The following LRP8 variants were observed in gnomAD, a reference collection of about 807,000 sequenced individuals.
LRP8 encodes LDL receptor related protein 8.
In LRP8, 46 loss-of-function variants were observed where a neutral mutation model predicts 111.6. The observed-to-expected ratio is 0.41, with a 90% CI of 0.33 to 0.53. The LOEUF (loss-of-function observed/expected upper bound fraction) is 0.53, where lower values mean the gene tolerates loss of function less well. Ranked by LOEUF, LRP8 falls within the 20% of genes least tolerant of loss-of-function variation. The pLI is 0.20. For synonymous variants in LRP8, 464 were observed against 511.2 expected, an observed-to-expected ratio of 0.91 and a Z score of 1.24; for missense variants, 959 against 1,297.4, an observed-to-expected ratio of 0.74 and a Z score of 4.01.
In LRP8 at chr1:53,249,246, T is replaced by G; in HGVS notation, c.2853+134A>C. ...TCATTGGTCTGTGACTAACCCATTT[T>G]TCTTCTTTGCCCCAACACCCAGCTT... is the stretch of plus-strand genomic sequence containing the variant. On this transcript the variant is annotated intron_variant, in intron 18 of 18. Transcript: ENST00000306052. The surrounding 1 kb of genome is among the most constrained non-coding windows in gnomAD (Gnocchi z 4.1). 10 of 917,882 alleles carry G rather than the reference T, an allele frequency of 1.1e-5. No homozygotes were observed. The South Asian group carries it at 1.7e-4, about 16-fold the overall frequency. The allele number at this position is 917,882 out of a possible 1,614,324, so 56.9% of individuals were successfully genotyped here.
At chr1:53,286,396 C>G (rs1193232364) in intron 3 of LRP8, among the ~76,000 whole-genome samples, 1 of 152,176 alleles carries the variant, frequency 6.6e-6, no homozygotes, top group Non-Finnish European at 1.5e-5. Context: ...AGGCCCCCCT[C>G]CCAGGTGGAA....
At chr1:53,326,347 C>A (rs750360204) in intron 2 of LRP8, among the ~76,000 whole-genome samples, 49 of 152,356 alleles carry the variant, frequency 3.2e-4, no homozygotes, top group Non-Finnish European at 5.6e-4. Context: ...CATCCGTCTG[C>A]TCCGCGATTG....
rs1308259825 is a variant in LRP8, at chr1:53,317,362, GGCA to G, written c.244+9508_244+9510del. 6.6e-6 allele frequency among the ~76,000 whole-genome samples: 1 copy of G among 152,192 alleles called. No homozygotes were observed. The highest frequency in any genetic ancestry group is 1.5e-5 in the Non-Finnish European group (1 of 68,030). The stretch of plus-strand genomic sequence containing the variant: ...AAGGCCCCACGTGGCTAACTACCGT[GGCA>G]GGCCCGGCTGGCTAACCAGCCCCAC... On this transcript the variant is annotated intron_variant, in intron 2 of 18. Coordinates refer to ENST00000306052, the MANE Select transcript of LRP8 (RefSeq NM_004631.5). The surrounding 1 kb of genome is among the most constrained non-coding windows in gnomAD (Gnocchi z 4.9).
At chr1:53,276,649 C>T in intron 5 of LRP8, 43 bp downstream of exon 5, 2 of 1,438,654 alleles carry the variant, frequency 1.4e-6, no homozygotes, top group Middle Eastern at 1.9e-4. Flanking sequence ...GATAGCGGAT[C>T]CGCAATCCCT....
chr1:53,275,696 G>T lies in LRP8; in HGVS notation c.941C>A (p.Ala314Glu), dbSNP rs1246582129. 10 of 1,613,984 alleles carry T rather than the reference G, an allele frequency of 6.2e-6. No homozygotes were observed. The highest frequency in any genetic ancestry group is 3.3e-5 in the Admixed American group (2 of 60,004). Residue 314 changes from alanine (A) to glutamate (E), a missense_variant, in exon 6 of 19, where the codon GCA becomes GAA. This residue lies in a region of LRP8 where 819 missense variants were observed against 1,097.6 expected (regional missense o/e 0.75). Transcript: ENST00000306052. This position sits in a 1 kb window ranked among gnomAD's most constrained non-coding sequence, Gnocchi z 4.4. ...CTGCTCCTGGTTGCAGTGCTTGATT[G>T]CAAGGACACATGTCCCATCCCCACA... The part of the protein sequence containing the change: ...FQCGDGTCVL[A>E]IKHCNQEQDC...
At position 53,250,860 on chromosome 1, in the gene LRP8, C is replaced by A; in HGVS notation, c.2506G>T (p.Val836Leu). The A allele has an allele frequency of 6.2e-7, 1 of 1,614,078 alleles. No homozygotes were observed. Residue 836 changes from valine (V) to leucine (L), a missense_variant and splice_region_variant, in exon 17 of 19, where the codon GTG becomes TTG. Around this residue, in one of 3 missense-constraint regions of LRP8, gnomAD observed 819 missense variants for 1,097.6 expected, o/e 0.75. Coordinates refer to ENST00000306052, the MANE Select transcript of LRP8 (RefSeq NM_004631.5). This position sits in a 1 kb window ranked among gnomAD's most constrained non-coding sequence, Gnocchi z 4.6. ...AVIGIIVPIVVIALLCMSGYL... is the reference protein window; with the variant it reads ...AVIGIIVPIVLIALLCMSGYL... ...CCACTCATGCACAGGAGGGCTATCACCACTGGAGGAAGGACACAGGACACT... is the reference window on the plus strand; with the variant it reads ...CCACTCATGCACAGGAGGGCTATCAACACTGGAGGAAGGACACAGGACACT...
chr1:53,269,135 C>G (rs1646678211), intron 8 of LRP8, among the ~76,000 whole-genome samples: 1 of 152,212 alleles, frequency 6.6e-6, no homozygotes, highest in African/African-American at 2.4e-5. Context: ...CTGGCTTCAT[C>G]TCTTCCTAGT....
At position 53,244,872 on chromosome 1, in the gene LRP8, G is replaced by A. The variant is rs1645695808; in HGVS notation, c.*2146C>T. 2 of 152,068 alleles carry A rather than the reference G, an allele frequency of 1.3e-5. No homozygotes were observed. The highest frequency in any genetic ancestry group is 2.4e-5 in the African/African-American group (1 of 41,378). The allele number at this position is 152,068 out of a possible 1,614,324, so 9.4% of individuals were successfully genotyped here. The stretch of plus-strand genomic sequence containing the variant: ...TCAGTCAAAAATAATTTTACTTTCC[G>A]TTCTTAAAAGAATAGTAATATGTGA... On this transcript the variant is annotated 3_prime_UTR_variant, in exon 19 of 19. Coordinates refer to ENST00000306052, the MANE Select transcript of LRP8 (RefSeq NM_004631.5).
chr1:53,249,881 G>A lies in LRP8; in HGVS notation c.2677-325C>T, dbSNP rs564482888. Among the ~76,000 whole-genome samples, 14 of 152,298 alleles carry A rather than the reference G, an allele frequency of 9.2e-5. No homozygotes were observed. The highest frequency in any genetic ancestry group is 3.4e-4 in the African/African-American group (14 of 41,552). The stretch of plus-strand genomic sequence containing the variant: ...GGCATCTGTTCAACAAATATTTGTT[G>A]GGAGTCAGCCATGCCGTGCTAGGCA... On this transcript the variant is annotated intron_variant, in intron 17 of 18. Coordinates refer to ENST00000306052, the MANE Select transcript of LRP8 (RefSeq NM_004631.5). This position sits in a 1 kb window ranked among gnomAD's most constrained non-coding sequence, Gnocchi z 4.1.
At chr1:53,311,479 C>T (rs1381156472) in intron 2 of LRP8, among the ~76,000 whole-genome samples, 2 of 152,164 alleles carry the variant, frequency 1.3e-5, no homozygotes, top group Admixed American at 1.3e-4. Context: ...ACTCTGCCCG[C>T]CTGTGGTGAC....
chr1:53,300,172 G>GCCAT (rs1557835529), intron 2 of LRP8, among the ~76,000 whole-genome samples: 1 of 152,224 alleles, frequency 6.6e-6, no homozygotes, highest in African/African-American at 2.4e-5. Context: ...CCCATCCCTG[G>GCCAT]CCATCACCTG....
Position 53,328,060 on chromosome 1 carries a change from G to C in LRP8, c.-148C>G, listed in dbSNP as rs1275708972. On this transcript the variant is annotated 5_prime_UTR_variant, in exon 1 of 19. Transcript: ENST00000306052. Reference sequence around the variant, plus strand: ...CCGCTGCCGCCCGCCCCGGCTCCTCGGCTGCATTTCAAGCAGGTTCGGTGA... The same window carrying C: ...CCGCTGCCGCCCGCCCCGGCTCCTCCGCTGCATTTCAAGCAGGTTCGGTGA... The C allele has an allele frequency of 3.1e-5, 10 of 325,836 alleles. No individual in the cohort carries two copies. The highest frequency in any genetic ancestry group is 3.9e-5 in the Non-Finnish European group (9 of 229,104). 20.2% of individuals were successfully genotyped at this position (325,836 alleles called of 1,614,324 possible).
At chr1:53,292,234 C>T (rs1417607537) in intron 2 of LRP8, 2 of 152,238 alleles carry the variant, frequency 1.3e-5, no homozygotes, top group African/African-American at 4.8e-5. Flanking sequence ...AGTACATCTG[C>T]ATTCTAAGAT....
chr1:53,255,109 A>G lies in LRP8; in HGVS notation c.2503+8T>C, dbSNP rs760161876. On this transcript the variant is annotated splice_region_variant and intron_variant, in intron 16 of 18. Coordinates refer to ENST00000306052, the MANE Select transcript of LRP8 (RefSeq NM_004631.5). ...CTTTTCTCTTCAGTGACTGGGGGCC[A>G]CACTCACCTATGGGCACGATGATCC... The G allele has an allele frequency of 3.0e-5, 49 of 1,613,140 alleles. No individual in the cohort carries two copies. The East Asian group carries it at 1.1e-3, about 36-fold the overall frequency.
At chr1:53,320,413 A>C (rs1398590344) in intron 2 of LRP8, among the ~76,000 whole-genome samples, 1 of 152,166 alleles carries the variant, frequency 6.6e-6, no homozygotes, top group East Asian at 1.9e-4. Flanking sequence ...AGTTCTGAGA[A>C]TGGTGCCCTA....
intron 4 of LRP8, 113 bp from the exon 5 acceptor site, chr1:53,277,191 C>G: frequency 7.6e-7 from 1 of 1,320,192 alleles, no homozygotes; most frequent in South Asian, 1.7e-5. Flanking sequence ...GAACAAGTGC[C>G]CTTTGGGGGC....
intron 14 of LRP8, 193 bp downstream of exon 14, chr1:53,258,126 A>C: frequency 9.3e-6 from 4 of 428,720 alleles, no homozygotes; most frequent in Non-Finnish European, 4.1e-6. Flanking sequence ...GGGAGTGAGA[A>C]AAAGCTTTGG....
intron 3 of LRP8, 140 bp downstream of exon 3, chr1:53,289,427 T>C: frequency 8.5e-7 from 1 of 1,177,258 alleles, no homozygotes; most frequent in Non-Finnish European, 1.2e-6. Context: ...CAACTAAATA[T>C]ATCTGTTTAC....
At chr1:53,326,310 C>T (rs1349598274) in intron 2 of LRP8, among the ~76,000 whole-genome samples, 1 of 152,154 alleles carries the variant, frequency 6.6e-6, no homozygotes, top group Non-Finnish European at 1.5e-5. Flanking sequence ...GGCGGTGCCC[C>T]CGCGCCCAGG....
Sources: allele counts gnomAD v4.1 joint callset (sites outside exome capture counted in the v4.1 genomes callset), GRCh38; gene constraint gnomAD v4.1.1; regional missense constraint gnomAD v4.1.1; non-coding constraint Gnocchi (gnomAD v3.1); transcripts MANE v1.5; gene names NCBI Gene and HGNC (gene_info 2026-07-23, HGNC 2026-07-21).